MSRA: variants seen among roughly 807,000 people sequenced by gnomAD.
MSRA encodes mitochondrial peptide methionine sulfoxide reductase.
MSRA carries 54 observed loss-of-function variants against 31.3 expected under a neutral mutation model. That is an observed-to-expected ratio of 1.73 (90% CI 1.39 to 2.17). The LOEUF is 2.17. Ranked by LOEUF, MSRA falls within the 30% of genes most tolerant of loss-of-function variation. The probability of loss-of-function intolerance (pLI) is 0.00; values close to 1 mark genes in which losing one functional copy is unlikely to be tolerated. For synonymous variants in MSRA, 169 were observed against 116.5 expected, an observed-to-expected ratio of 1.45 and a Z score of -2.90; for missense variants, 507 against 300.9, an observed-to-expected ratio of 1.69 and a Z score of -5.07.
At chr8:10,178,991 C>T (rs1168613377) in intron 1 of MSRA, among the ~76,000 whole-genome samples, 1 of 152,074 alleles carries the variant, frequency 6.6e-6, no homozygotes, top group African/African-American at 2.4e-5. Context: ...AGGAATCATA[C>T]CTGCATGCAA....
At chr8:10,104,049 G>A (rs569802358) in intron 1 of MSRA, among the ~76,000 whole-genome samples, 29 of 152,166 alleles carry the variant, frequency 1.9e-4, no homozygotes, top group African/African-American at 2.7e-4. Flanking sequence ...ATTTCTGAGC[G>A]TTATCTCTAT....
intron 5 of MSRA, among the ~76,000 whole-genome samples, chr8:10,322,303 G>A (rs1382535609): frequency 1.4e-5 from 2 of 147,652 alleles, no homozygotes; most frequent in East Asian, 4.3e-4. Context: ...TGGATGCAGG[G>A]AGATGAGTTG....
chr8:10,383,023 A>G (rs902248116), intron 5 of MSRA, among the ~76,000 whole-genome samples: 1 of 152,246 alleles, frequency 6.6e-6, no homozygotes, highest in East Asian at 1.9e-4. Context: ...GGCAAGAGGT[A>G]GGGGCTTCCC....
intron 5 of MSRA, among the ~76,000 whole-genome samples, chr8:10,413,129 G>C: frequency 6.6e-6 from 1 of 152,200 alleles, no homozygotes; most frequent in Middle Eastern, 3.2e-3. Flanking sequence ...GCCCAGGAAG[G>C]CCCTGATCTC....
chr8:10,146,995 G>T (rs375914529), intron 1 of MSRA, among the ~76,000 whole-genome samples: 2 of 152,340 alleles, frequency 1.3e-5, no homozygotes, highest in South Asian at 4.1e-4. Context: ...AAGCTGGGAC[G>T]CCAGCTGGGG....
At chr8:10,132,531 A>G (rs935772006) in intron 1 of MSRA, among the ~76,000 whole-genome samples, 3 of 152,192 alleles carry the variant, frequency 2.0e-5, no homozygotes, top group Non-Finnish European at 4.4e-5. Flanking sequence ...GGGAAGTCCA[A>G]GATCAAGGCA....
At chr8:10,087,172 C>A (rs548452920) in intron 1 of MSRA, among the ~76,000 whole-genome samples, 1 of 152,204 alleles carries the variant, frequency 6.6e-6, no homozygotes, top group South Asian at 2.1e-4. Context: ...TTCTGATGTG[C>A]CTCTATATTT....
chr8:10,096,542 A>G (rs1799168934), intron 1 of MSRA, among the ~76,000 whole-genome samples: 1 of 152,196 alleles, frequency 6.6e-6, no homozygotes, highest in Admixed American at 6.5e-5. Context: ...TGTTTGCAAT[A>G]CTTGGAGAAA....
Position 10,390,845 on chromosome 8 carries a change from A to G in MSRA, c.544-37303A>G, listed in dbSNP as rs549145664. 5.9e-5 allele frequency among the ~76,000 whole-genome samples: 9 copies of G among 152,220 alleles called. No homozygotes were observed. The South Asian group carries it at 1.9e-3, about 32-fold the overall frequency. On this transcript the variant is annotated intron_variant, in intron 5 of 5. Transcript: ENST00000317173. The stretch of plus-strand genomic sequence containing the variant: ...AAAAAAATTATCTGGGCGCGGTGGC[A>G]GGCGCCTGTAGTCCCACCTACTCGG...
At chr8:10,165,476 C>T (rs571776798) in intron 1 of MSRA, among the ~76,000 whole-genome samples, 10 of 152,246 alleles carry the variant, frequency 6.6e-5, no homozygotes, top group South Asian at 4.2e-4. Flanking sequence ...TAATGGCTTC[C>T]TGACAAATGG....
chr8:10,179,046 A>C (rs1384881630), intron 1 of MSRA, among the ~76,000 whole-genome samples: 1 of 151,778 alleles, frequency 6.6e-6, no homozygotes, highest in Non-Finnish European at 1.5e-5. Flanking sequence ...AAGAGTTAAA[A>C]CTCCCTATTT....
At chr8:10,312,475 C>A (rs920479997) in intron 4 of MSRA, among the ~76,000 whole-genome samples, 5 of 152,174 alleles carry the variant, frequency 3.3e-5, no homozygotes, top group Non-Finnish European at 7.4e-5. Flanking sequence ...TCAGTGAGTT[C>A]TCCCAACATT....
At chr8:10,137,615 C>G (rs979886681) in intron 1 of MSRA, among the ~76,000 whole-genome samples, 1 of 152,104 alleles carries the variant, frequency 6.6e-6, no homozygotes, top group African/African-American at 2.4e-5. Flanking sequence ...GCTAAAATAG[C>G]GAATGCTGTG....
chr8:10,068,604 A>C (rs1563393374), intron 1 of MSRA, among the ~76,000 whole-genome samples: 1 of 152,216 alleles, frequency 6.6e-6, no homozygotes, highest in Admixed American at 6.5e-5. Flanking sequence ...TTTGTCAAAG[A>C]TGAGTTGACC....
intron 3 of MSRA, among the ~76,000 whole-genome samples, chr8:10,274,288 A>C (rs1367549372): frequency 6.6e-6 from 1 of 152,148 alleles, no homozygotes; most frequent in South Asian, 2.1e-4. Context: ...CATTGTTTTC[A>C]AATATTTGAA....
chr8:10,162,324 T>C (rs554154648), intron 1 of MSRA, among the ~76,000 whole-genome samples: 1 of 152,316 alleles, frequency 6.6e-6, no homozygotes, highest in East Asian at 1.9e-4. Context: ...CAGAGATGTC[T>C]CTTTCTCTCC....
chr8:10,269,532 A>G (rs938796392), intron 3 of MSRA, among the ~76,000 whole-genome samples: 8 of 152,250 alleles, frequency 5.3e-5, no homozygotes, highest in African/African-American at 1.9e-4. Flanking sequence ...AGTGTTACCT[A>G]CAGAGAGCCG....
At chr8:10,395,188 C>G (rs1264003772) in intron 5 of MSRA, among the ~76,000 whole-genome samples, 3 of 152,058 alleles carry the variant, frequency 2.0e-5, no homozygotes, top group African/African-American at 7.2e-5. Context: ...GAGCATGGTC[C>G]TATTTAAGAG....
At chr8:10,143,605 C>G (rs553500443) in intron 1 of MSRA, among the ~76,000 whole-genome samples, 1 of 152,142 alleles carries the variant, frequency 6.6e-6, no homozygotes, top group Non-Finnish European at 1.5e-5. Context: ...TCATTTTCCC[C>G]GTTACCAGAA....
Sources: allele counts gnomAD v4.1 joint callset (sites outside exome capture counted in the v4.1 genomes callset), GRCh38; gene constraint gnomAD v4.1.1; transcripts MANE v1.5; gene names NCBI Gene and HGNC (gene_info 2026-07-23, HGNC 2026-07-21).